Variants in TEAD1 observed in about 807,000 individuals in gnomAD.
The protein encoded by TEAD1 is transcriptional enhancer factor TEF-1.
In TEAD1, 9 loss-of-function variants were observed where a neutral mutation model predicts 54.9. The observed-to-expected ratio is 0.16, with a 90% CI of 0.10 to 0.29. TEAD1 has a LOEUF of 0.29. Ranked by LOEUF, TEAD1 falls within the 10% of genes least tolerant of loss-of-function variation. The probability of loss-of-function intolerance (pLI) is 1.00; values close to 1 mark genes in which losing one functional copy is unlikely to be tolerated. For synonymous variants in TEAD1, 200 were observed against 187.8 expected, an observed-to-expected ratio of 1.07 and a Z score of -0.53; for missense variants, 387 against 535.9, an observed-to-expected ratio of 0.72 and a Z score of 2.74.
chr11:12,914,272 A>G (rs544260271), intron 10 of TEAD1, among the ~76,000 whole-genome samples: 3 of 152,226 alleles, frequency 2.0e-5, no homozygotes, highest in South Asian at 2.1e-4. Flanking sequence ...AGGGGTGCCA[A>G]TCTGCACAAT....
chr11:12,685,560 TAAG>T (rs997214587), intron 2 of TEAD1, among the ~76,000 whole-genome samples: 3 of 152,094 alleles, frequency 2.0e-5, no homozygotes, highest in Admixed American at 2.0e-4. Context: ...TCAGACCTAA[TAAG>T]AAGAGTTTCT....
intron 3 of TEAD1, among the ~76,000 whole-genome samples, chr11:12,806,671 G>C (rs1027533728): frequency 2.6e-5 from 4 of 152,342 alleles, no homozygotes; most frequent in South Asian, 4.1e-4. Context: ...TCATACTTCA[G>C]AGCTTGAAAC....
chr11:12,719,929 C>G (rs10831899), intron 2 of TEAD1, among the ~76,000 whole-genome samples: 117,302 of 138,910 alleles, frequency 0.84, 49,675 homozygotes, highest in African/African-American at 0.96. Flanking sequence ...TGCAAACCGG[C>G]GTGTGTTTGG....
intron 3 of TEAD1, among the ~76,000 whole-genome samples, chr11:12,782,185 CAG>C (rs898533580): frequency 2.4e-4 from 37 of 152,054 alleles, no homozygotes; most frequent in African/African-American, 8.7e-4. Flanking sequence ...TTCTAATAAT[CAG>C]AAAGTGGAAA....
At chr11:12,855,528 T>G (rs1487219977) in intron 3 of TEAD1, among the ~76,000 whole-genome samples, 1 of 152,000 alleles carries the variant, frequency 6.6e-6, no homozygotes, top group African/African-American at 2.4e-5. Context: ...GACTGCGTGA[T>G]CCACCTGCCT....
chr11:12,857,341 C>A (rs1488850219), intron 3 of TEAD1, among the ~76,000 whole-genome samples: 2 of 152,178 alleles, frequency 1.3e-5, no homozygotes, highest in African/African-American at 4.8e-5. Context: ...ACTACAGCAT[C>A]TGAGGCTTAA....
At chr11:12,707,188 T>C (rs1943835948) in intron 2 of TEAD1, among the ~76,000 whole-genome samples, 1 of 148,988 alleles carries the variant, frequency 6.7e-6, no homozygotes, top group African/African-American at 2.5e-5. Context: ...GCTATACTTG[T>C]GCGGCTGGTG....
intron 9 of TEAD1, among the ~76,000 whole-genome samples, chr11:12,896,575 C>T (rs1763983573): frequency 6.6e-6 from 1 of 152,172 alleles, no homozygotes; most frequent in South Asian, 2.1e-4. Context: ...GTGATTTCCA[C>T]ATATTTTCTC....
chr11:12,730,594 G>A (rs1424011557), intron 2 of TEAD1, among the ~76,000 whole-genome samples: 1 of 150,026 alleles, frequency 6.7e-6, no homozygotes, highest in African/African-American at 2.4e-5. Context: ...AGGAATTGGA[G>A]TATATAGATT....
At chr11:12,836,910 T>A (rs1241116911) in intron 3 of TEAD1, among the ~76,000 whole-genome samples, 3 of 152,214 alleles carry the variant, frequency 2.0e-5, no homozygotes, top group Non-Finnish European at 4.4e-5. Context: ...CTTTGGAAAG[T>A]GTTGTATTAT....
At chr11:12,863,907 A>G (rs867058557) in intron 4 of TEAD1, among the ~76,000 whole-genome samples, 40 of 152,180 alleles carry the variant, frequency 2.6e-4, no homozygotes, top group Non-Finnish European at 3.2e-4. Flanking sequence ...TACCTCTCCA[A>G]TGTGAATTTG....
intron 6 of TEAD1, among the ~76,000 whole-genome samples, chr11:12,880,390 A>T (rs184339720): frequency 7.8e-4 from 119 of 152,358 alleles, no homozygotes; most frequent in Non-Finnish European, 1.6e-3. Context: ...GTTATTCAGT[A>T]GCAAAACAAG....
chr11:12,882,881 G>T (rs1453122349), intron 8 of TEAD1, 120 bp from the exon 9 acceptor site: 1 of 1,459,246 alleles, frequency 6.9e-7, no homozygotes, highest in East Asian at 2.3e-5. Flanking sequence ...GGCCAGAGCC[G>T]GTGGAGAGGG....
At chr11:12,897,985 G>A (rs994265969) in intron 9 of TEAD1, among the ~76,000 whole-genome samples, 1 of 152,132 alleles carries the variant, frequency 6.6e-6, no homozygotes, top group African/African-American at 2.4e-5. Flanking sequence ...TGTGACCTCA[G>A]GCAAGTCAGT....
At chr11:12,927,372 C>G (rs1948922155) in intron 11 of TEAD1, among the ~76,000 whole-genome samples, 1 of 152,174 alleles carries the variant, frequency 6.6e-6, no homozygotes, top group Admixed American at 6.5e-5. Context: ...GAGAGCTGTT[C>G]CTGGAGTCCC....
At chr11:12,816,405 C>G (rs1381932620) in intron 3 of TEAD1, among the ~76,000 whole-genome samples, 4 of 152,226 alleles carry the variant, frequency 2.6e-5, no homozygotes, top group East Asian at 1.9e-4. Flanking sequence ...CCAGGAGCCC[C>G]TTTTCTTCTG....
intron 4 of TEAD1, among the ~76,000 whole-genome samples, chr11:12,863,308 G>A (rs11022517): frequency 0.32 from 48,266 of 151,994 alleles, 8,344 homozygotes; most frequent in African/African-American, 0.44. Flanking sequence ...CACAAAGAGA[G>A]GTGGCCTCCT....
intron 2 of TEAD1, among the ~76,000 whole-genome samples, chr11:12,725,041 G>A (rs1277866817): frequency 6.6e-6 from 1 of 152,192 alleles, no homozygotes. Flanking sequence ...CCAGGCCTGG[G>A]CTTGGTGGTG....
intron 3 of TEAD1, among the ~76,000 whole-genome samples, chr11:12,833,447 A>G (rs980048232): frequency 4.6e-5 from 7 of 152,192 alleles, no homozygotes; most frequent in Non-Finnish European, 7.3e-5. Context: ...AGAGTGCTGT[A>G]CCTGAACTAA....
Sources: allele counts gnomAD v4.1 joint callset (sites outside exome capture counted in the v4.1 genomes callset), GRCh38; gene constraint gnomAD v4.1.1; transcripts MANE v1.5; gene names NCBI Gene and HGNC (gene_info 2026-07-23, HGNC 2026-07-21).